The following RASL12 variants were observed in gnomAD, a reference collection of about 807,000 sequenced individuals.
The protein encoded by RASL12 is RAS like family 12, also known as ras-like protein family member 12.
RASL12 carries 16 observed loss-of-function variants against 22.9 expected under a neutral mutation model. The ratio of observed to expected loss-of-function variants is 0.70; its 90% CI spans 0.47 to 1.06. The LOEUF is 1.06. Ranked by LOEUF, RASL12 falls within the 50% of genes least tolerant of loss-of-function variation. The probability of loss-of-function intolerance (pLI) is 0.00; values close to 1 mark genes in which losing one functional copy is unlikely to be tolerated. For missense variants in RASL12, 306 were observed against 353.1 expected, an observed-to-expected ratio of 0.87 and a Z score of 1.07; for synonymous variants, 159 against 152.2, an observed-to-expected ratio of 1.04 and a Z score of -0.33.
At chr15:65,048,209 T>C in the RASL12 span, among the ~76,000 whole-genome samples, 1 of 150,624 alleles carries the variant, frequency 6.6e-6, no homozygotes, top group East Asian at 2.0e-4. Context: ...AAAAAAAAAG[T>C]CTAAGAAAGG....
At chr15:65,072,069 G>A (rs2086935855), upstream of RASL12, among the ~76,000 whole-genome samples, 4 of 152,192 alleles carry the variant, frequency 2.6e-5, no homozygotes, top group Admixed American at 2.0e-4. Flanking sequence ...CCAGCACTGA[G>A]AGCCCACTGG....
downstream of RASL12, chr15:65,049,237 T>G (rs964617608): frequency 2.7e-5 from 4 of 149,796 alleles, no homozygotes; most frequent in Admixed American, 2.0e-4. Context: ...GGGATGGAAA[T>G]AGGCCTACAC....
the RASL12 span, among the ~76,000 whole-genome samples, chr15:65,047,434 T>C: frequency 2.0e-5 from 3 of 152,232 alleles, no homozygotes; most frequent in South Asian, 6.2e-4. Flanking sequence ...ATGAAAGCAG[T>C]GTATACGCAT....
intron 1 of RASL12, among the ~76,000 whole-genome samples, chr15:65,075,598 T>C: frequency 6.6e-6 from 1 of 152,180 alleles, no homozygotes; most frequent in Admixed American, 6.5e-5. Flanking sequence ...ATCAGCACCC[T>C]GTGTCTAGCT....
At chr15:65,064,660 G>A (rs998434509) in intron 2 of RASL12, among the ~76,000 whole-genome samples, 1 of 151,528 alleles carries the variant, frequency 6.6e-6, no homozygotes, top group Non-Finnish European at 1.5e-5. Flanking sequence ...GCAGTGGCAC[G>A]ACCTTGGCTC....
At chr15:65,049,668 C>T (rs1339424586), downstream of RASL12, 1 of 174,140 alleles carries the variant, frequency 5.7e-6, no homozygotes, top group East Asian at 1.5e-4. Flanking sequence ...GCCAGTGGCT[C>T]AGTCCTCCTC....
intron 1 of RASL12, among the ~76,000 whole-genome samples, chr15:65,075,407 C>T (rs1330624553): frequency 2.0e-5 from 3 of 152,250 alleles, no homozygotes; most frequent in Admixed American, 6.5e-5. Flanking sequence ...CTGAGGAATG[C>T]GAGCGCATGG....
At chr15:65,049,558 T>C (rs1174203663), downstream of RASL12, 2 of 153,044 alleles carry the variant, frequency 1.3e-5, no homozygotes, top group Non-Finnish European at 1.5e-5. Context: ...CAAGTTGCTA[T>C]GGCAACGCGT....
chr15:65,075,114 C>T lies in RASL12; in HGVS notation c.70+1415G>A, dbSNP rs192517893. 1.3e-3 allele frequency among the ~76,000 whole-genome samples: 191 copies of T among 152,346 alleles called. No homozygotes were observed. The East Asian group carries it at 0.019, about 15-fold the overall frequency. On this transcript the variant is annotated intron_variant, in intron 1 of 4. Coordinates refer to the RASL12 transcript ENST00000434605. ...GCGTGGGCTTGGCGGGCCCCGCACT[C>T]GGAGCAGTCAGCCAGCCCTGCTGGC...
At chr15:65,055,372 G>A in intron 4 of RASL12, 98 bp from the exon 5 acceptor site, 1 of 1,131,358 alleles carries the variant, frequency 8.8e-7, no homozygotes, top group Non-Finnish European at 1.2e-6. Flanking sequence ...CTAGCTGGGT[G>A]GCCTGGGGTC....
chr15:65,065,038 G>C (rs562128904), intron 2 of RASL12, among the ~76,000 whole-genome samples, 179 bp downstream of exon 2: 22 of 152,354 alleles, frequency 1.4e-4, no homozygotes, highest in African/African-American at 4.8e-4. Flanking sequence ...GGGGTGGGCT[G>C]TGGAAGGGGT....
chr15:65,064,673 T>C (rs1414906686), intron 2 of RASL12, among the ~76,000 whole-genome samples: 2 of 152,032 alleles, frequency 1.3e-5, no homozygotes, highest in Admixed American at 1.3e-4. Context: ...CTTGGCTCAC[T>C]GCAATCTCCG....
At chr15:65,050,456 G>A (rs907212873), downstream of RASL12, among the ~76,000 whole-genome samples, 4 of 152,226 alleles carry the variant, frequency 2.6e-5, no homozygotes, top group African/African-American at 9.7e-5. Flanking sequence ...CAACTAAAAC[G>A]CATAGTGCGT....
Position 65,053,893 on chromosome 15 carries a change from AC to A in RASL12, c.*1005del. The A allele has an allele frequency of 2.0e-6, 2 of 985,848 alleles. No individual in the cohort carries two copies. The highest frequency in any genetic ancestry group is 2.4e-6 in the Non-Finnish European group (2 of 829,946). 61.1% of individuals were successfully genotyped at this position (985,848 alleles called of 1,614,324 possible). On this transcript the variant is annotated 3_prime_UTR_variant, in exon 5 of 5. Coordinates refer to ENST00000220062, the MANE Select transcript of RASL12 (RefSeq NM_016563.4). ...TAAGCTGCGGTGACACCACCAAATA[AC>A]ATAAGCAAAATTTTGCTTTATTAAC...
intron 2 of RASL12, among the ~76,000 whole-genome samples, chr15:65,060,507 T>C (rs1189545934): frequency 6.6e-6 from 1 of 152,224 alleles, no homozygotes; most frequent in Admixed American, 6.5e-5. Context: ...ACTTTTTTTA[T>C]ATATATGGTT....
chr15:65,067,973 G>GCCCCGCGTCCAGCGGGCTGCCA lies in RASL12; in HGVS notation c.-139_-138insTGGCAGCCCGCTGGACGCGGGG. 8.5e-7 allele frequency: 1 copy of GCCCCGCGTCCAGCGGGCTGCCA among 1,177,176 alleles called. No homozygotes were observed. Among genetic ancestry groups the GCCCCGCGTCCAGCGGGCTGCCA allele is most frequent in the Non-Finnish European group, 1.0e-6 (1 of 953,060 alleles). The allele number at this position is 1,177,176 out of a possible 1,614,324, so 72.9% of individuals were successfully genotyped here. On this transcript the variant is annotated 5_prime_UTR_variant, in exon 1 of 5. Coordinates refer to ENST00000220062, the MANE Select transcript of RASL12 (RefSeq NM_016563.4). ...GGACCCGTCGGCGTCCGCGCCCTCG[G>GCCCCGCGTCCAGCGGGCTGCCA]CCCCGCGTCCAGCGGGCTGCCACCC... is the stretch of plus-strand genomic sequence containing the variant.
downstream of RASL12, chr15:65,052,869 G>A: frequency 8.9e-7 from 1 of 1,125,202 alleles, no homozygotes; most frequent in Non-Finnish European, 1.3e-6. Flanking sequence ...AAACTGCATA[G>A]AGAATTTTCC....
At chr15:65,069,793 C>T (rs551539043), upstream of RASL12, among the ~76,000 whole-genome samples, 2 of 152,278 alleles carry the variant, frequency 1.3e-5, no homozygotes, top group African/African-American at 4.8e-5. Flanking sequence ...CTTCATGACT[C>T]GAATGTTGCA....
the RASL12 span, among the ~76,000 whole-genome samples, chr15:65,046,406 G>A: frequency 2.6e-5 from 4 of 152,102 alleles, no homozygotes; most frequent in African/African-American, 7.2e-5. Flanking sequence ...GGAGGTGGAG[G>A]TTGCAGTGAG....
Sources: gnomAD v4.1 joint callset for allele counts (sites outside exome capture counted in the v4.1 genomes callset) on GRCh38, gnomAD v4.1.1 for gene constraint, MANE v1.5 for transcripts, NCBI Gene and HGNC (gene_info 2026-07-23, HGNC 2026-07-21) for gene names.